Variants in CCDC171 observed in about 807,000 individuals in gnomAD.
The protein encoded by CCDC171 is coiled-coil domain containing 171.
CCDC171 carries 177 observed loss-of-function variants against 168.2 expected under a neutral mutation model. That is an observed-to-expected ratio of 1.05 (90% CI 0.93 to 1.19). The LOEUF (loss-of-function observed/expected upper bound fraction) is 1.19. Among genes scored for constraint, CCDC171 ranks in the 50% most tolerant of loss-of-function variants. The pLI, the probability that CCDC171 is intolerant of heterozygous loss-of-function variation, is 0.00. For synonymous variants in CCDC171, 687 were observed against 540.8 expected, an observed-to-expected ratio of 1.27 and a Z score of -3.75; for missense variants, 1,991 against 1,539.0, an observed-to-expected ratio of 1.29 and a Z score of -4.91.
At chr9:15,737,477 T>A (rs1158667018) in intron 16 of CCDC171, among the ~76,000 whole-genome samples, 1 of 151,954 alleles carries the variant, frequency 6.6e-6, no homozygotes, top group East Asian at 1.9e-4. Flanking sequence ...AGAAGGGAGA[T>A]ATAGGACACA....
In CCDC171 at chr9:15,972,330, A is replaced by C. The variant is rs1259317650; in HGVS notation, c.*494A>C. On this transcript the variant is annotated 3_prime_UTR_variant, in exon 26 of 26. Transcript: ENST00000380701. Reference sequence around the variant, plus strand: ...ACTGAAGACAAGCATTTAGTTGCAAACTTTAAGCAGGTTGTGCAAAACAGA... The same window carrying C: ...ACTGAAGACAAGCATTTAGTTGCAACCTTTAAGCAGGTTGTGCAAAACAGA... The C allele has an allele frequency of 6.3e-6, 1 of 157,678 alleles. No individual in the cohort carries two copies. The highest frequency in any genetic ancestry group is 2.4e-5 in the African/African-American group (1 of 41,448). The allele number at this position is 157,678 out of a possible 1,614,324, so 9.8% of individuals were successfully genotyped here.
intron 21 of CCDC171, among the ~76,000 whole-genome samples, chr9:15,807,048 G>GT (rs2059114420): frequency 1.3e-5 from 2 of 152,122 alleles, no homozygotes; most frequent in Non-Finnish European, 2.9e-5. Flanking sequence ...AATTCTTGTA[G>GT]TGTGTTTTTC....
At chr9:15,705,126 A>ACACT (rs149512066) in intron 11 of CCDC171, among the ~76,000 whole-genome samples, 80 of 148,910 alleles carry the variant, frequency 5.4e-4, no homozygotes, top group African/African-American at 2.0e-3. Flanking sequence ...ACACACTCTC[A>ACACT]CTCACTCAGA....
chr9:16,067,289 G>A, the CCDC171 span, among the ~76,000 whole-genome samples: 138 of 151,906 alleles, frequency 9.1e-4, no homozygotes, highest in South Asian at 0.015. Context: ...CATGTCCTCC[G>A]CCCACTTTTT....
chr9:15,868,278 G>A (rs1414727373), intron 23 of CCDC171, among the ~76,000 whole-genome samples: 3 of 151,986 alleles, frequency 2.0e-5, no homozygotes, highest in Admixed American at 6.6e-5. Context: ...TTCTATGCTT[G>A]CTGCAGTGCC....
At chr9:15,684,013 T>A (rs148871389) in intron 10 of CCDC171, among the ~76,000 whole-genome samples, 1 of 152,196 alleles carries the variant, frequency 6.6e-6, no homozygotes, top group Admixed American at 6.5e-5. Context: ...AGAGACTAGC[T>A]ATCATTAATA....
intron 3 of CCDC171, among the ~76,000 whole-genome samples, chr9:15,985,220 T>A (rs890593679): frequency 3.3e-5 from 5 of 152,160 alleles, no homozygotes; most frequent in African/African-American, 7.2e-5. Context: ...GGAAATAACC[T>A]TACTTGAGTA....
At chr9:15,969,144 TAAC>T (rs1288311533) in intron 25 of CCDC171, among the ~76,000 whole-genome samples, 1 of 152,136 alleles carries the variant, frequency 6.6e-6, no homozygotes, top group Non-Finnish European at 1.5e-5. Flanking sequence ...ACTAGGGAAA[TAAC>T]ACCCCATTTC....
At chr9:15,578,814 TTGGA>T in intron 3 of CCDC171, 31 bp from the exon 4 acceptor site, 1 of 1,571,852 alleles carries the variant, frequency 6.4e-7, no homozygotes, top group African/African-American at 1.4e-5. Context: ...CTCATAATCT[TTGGA>T]CACATGTTGA....
chr9:15,657,418 A>C (rs1193615180), intron 8 of CCDC171, among the ~76,000 whole-genome samples, 199 bp downstream of exon 8: 1 of 152,178 alleles, frequency 6.6e-6, no homozygotes, highest in Non-Finnish European at 1.5e-5. Context: ...ACTATAGCCT[A>C]CAGGCCAGGT....
chr9:15,862,672 T>C (rs1027771160), intron 23 of CCDC171, among the ~76,000 whole-genome samples: 2 of 151,684 alleles, frequency 1.3e-5, no homozygotes, highest in Admixed American at 6.6e-5. Flanking sequence ...ACTTCAAGGA[T>C]TGGCTTTGTA....
rs538422294 is a variant in CCDC171, at chr9:15,714,677, A to G, written c.1319-7092A>G. Reference sequence around the variant, plus strand: ...AAGATTTACGGTATTTTTTGGCACTATGTCAGGATTGCTAACAGAGACCCA... The same window carrying G: ...AAGATTTACGGTATTTTTTGGCACTGTGTCAGGATTGCTAACAGAGACCCA... On this transcript the variant is annotated intron_variant, in intron 11 of 25. Transcript: ENST00000380701. 2.6e-5 allele frequency among the ~76,000 whole-genome samples: 4 copies of G among 152,270 alleles called. No individual in the cohort carries two copies. In the South Asian group the frequency reaches 6.2e-4, roughly 24 times the overall value.
intron 16 of CCDC171, among the ~76,000 whole-genome samples, chr9:15,732,881 T>G (rs1428798470): frequency 6.6e-6 from 1 of 152,154 alleles, no homozygotes; most frequent in East Asian, 1.9e-4. Flanking sequence ...AAGCAACTAT[T>G]AAGTTGTTTT....
chr9:15,756,572 C>A (rs1193527742), intron 18 of CCDC171, among the ~76,000 whole-genome samples: 1 of 152,136 alleles, frequency 6.6e-6, no homozygotes, highest in Admixed American at 6.5e-5. Context: ...AGTGTCTGTT[C>A]CCATCTTTTT....
rs10962248 is a variant in CCDC171, at chr9:16,001,123, G to A, written n.369-19466G>A. The stretch of plus-strand genomic sequence containing the variant: ...CTGAACTTTCTAGTGACTCAGAGAA[G>A]GGCCTCACCTTTTCAGGATTCAGTT... On this transcript the variant is annotated intron_variant and non_coding_transcript_variant, in intron 3 of 9. Transcript: ENST00000486641. Among the ~76,000 whole-genome samples, 464 of 152,264 alleles carry A rather than the reference G, an allele frequency of 3.0e-3. 11 individuals carry two copies. In the East Asian group the frequency reaches 0.067, roughly 22 times the overall value.
chr9:15,850,687 T>A (rs888020904), intron 23 of CCDC171, among the ~76,000 whole-genome samples: 6 of 152,120 alleles, frequency 3.9e-5, no homozygotes, highest in African/African-American at 1.4e-4. Context: ...GAATGAGTGA[T>A]AAGGAGGTGG....
chr9:16,065,260 C>G (rs1188930512), downstream of CCDC171, among the ~76,000 whole-genome samples: 1 of 152,212 alleles, frequency 6.6e-6, no homozygotes. Context: ...GACAGCTTAT[C>G]ACATTCTCCA....
chr9:15,927,090 A>G lies in CCDC171; in HGVS notation c.3753+6668A>G, dbSNP rs373075489. Among the ~76,000 whole-genome samples, 118 of 151,838 alleles carry G rather than the reference A, an allele frequency of 7.8e-4. 1 individual carries two copies. The South Asian group carries it at 0.011, about 14-fold the overall frequency. On this transcript the variant is annotated intron_variant, in intron 25 of 25. Coordinates refer to ENST00000380701, the MANE Select transcript of CCDC171 (RefSeq NM_173550.4). ...CATTGTAATGCATATAAAGAGATTG[A>G]TCATATTGTAGACATAATTATCTTT...
intron 3 of CCDC171, among the ~76,000 whole-genome samples, chr9:16,014,572 G>C (rs1046357045): frequency 6.6e-6 from 1 of 152,138 alleles, no homozygotes; most frequent in Admixed American, 6.6e-5. Context: ...ATCTATGGCA[G>C]CTATAGCCTT....
Sources: gnomAD v4.1 joint callset for allele counts (sites outside exome capture counted in the v4.1 genomes callset) on GRCh38, gnomAD v4.1.1 for gene constraint, MANE v1.5 for transcripts, NCBI Gene and HGNC (gene_info 2026-07-23, HGNC 2026-07-21) for gene names.